The following STARD8 variants were observed in gnomAD, a reference collection of about 807,000 sequenced individuals.
STARD8 encodes the protein StAR related lipid transfer domain containing 8.
Under a neutral mutation model 69.4 loss-of-function variants are expected in STARD8, and 25 were observed. That is an observed-to-expected ratio of 0.36 (90% CI 0.26 to 0.50). The LOEUF (loss-of-function observed/expected upper bound fraction) is 0.50. Ranked by LOEUF, STARD8 falls within the 20% of genes least tolerant of loss-of-function variation. The pLI, the probability that STARD8 is intolerant of heterozygous loss-of-function variation, is 0.96. For missense variants in STARD8, 921 were observed against 932.5 expected, an observed-to-expected ratio of 0.99 and a Z score of 0.16; for synonymous variants, 389 against 374.6, an observed-to-expected ratio of 1.04 and a Z score of -0.45.
chrX:68,697,600 C>CA (rs1176492187), intron 2 of STARD8, among the ~76,000 whole-genome samples: 1 of 112,701 alleles, frequency 8.9e-6, no homozygotes, highest in Non-Finnish European at 1.9e-5. Context: ...GAGGCCAGTT[C>CA]AGAGCAAAAC....
chrX:68,715,561 T>C (rs1390058583), intron 4 of STARD8, among the ~76,000 whole-genome samples, 186 bp downstream of exon 4: 1 of 112,809 alleles, frequency 8.9e-6, no homozygotes, highest in Non-Finnish European at 1.9e-5. Flanking sequence ...CCAGTCACTC[T>C]AGCTAGAAAG....
intron 8 of STARD8, 30 bp from the exon 9 acceptor site, chrX:68,720,894 C>T: frequency 8.4e-7 from 1 of 1,189,941 alleles, no homozygotes. Context: ...GCATGTTTTC[C>T]TCACTCCCTC....
At chrX:68,658,275 C>T (rs2079623083) in intron 1 of STARD8, among the ~76,000 whole-genome samples, 1 of 112,270 alleles carries the variant, frequency 8.9e-6, no homozygotes, top group African/African-American at 3.2e-5. Flanking sequence ...TCATCATCCT[C>T]ATTTTACTGA....
intron 2 of STARD8, among the ~76,000 whole-genome samples, chrX:68,696,233 A>G (rs1330186010): frequency 1.8e-5 from 2 of 112,246 alleles, no homozygotes; most frequent in Non-Finnish European, 3.8e-5. Flanking sequence ...CCGGAGATCT[A>G]GGTGAGTTTT....
At chrX:68,722,896 C>A (rs1255805032) in intron 12 of STARD8, among the ~76,000 whole-genome samples, 1 of 112,922 alleles carries the variant, frequency 8.9e-6, no homozygotes, top group Non-Finnish European at 1.9e-5. Context: ...GTTCCAGATA[C>A]GATGCTGCTT....
chrX:68,720,500 G>A (rs2080138895), intron 8 of STARD8, 77 bp downstream of exon 8: 4 of 1,052,867 alleles, frequency 3.8e-6, no homozygotes, highest in South Asian at 2.5e-5. Context: ...GAAGGCTGAG[G>A]AGCTGGGGAG....
rs2079924424 is a variant in STARD8, at chrX:68,696,945, A to G, written c.80-15969A>G. 2.7e-5 allele frequency among the ~76,000 whole-genome samples: 3 copies of G among 111,166 alleles called. No individual in the cohort carries two copies. In the Admixed American group the frequency reaches 2.9e-4, roughly 11 times the overall value. ...AAAATTATTGTGAATAATTTCAAAC[A>G]TATATAAAAATAGAGATAATTAGTG... On this transcript the variant is annotated intron_variant, in intron 2 of 14. Coordinates refer to ENST00000374599, the MANE Select transcript of STARD8 (RefSeq NM_001142503.3).
At chrX:68,654,691 T>G (rs1328716912) in intron 1 of STARD8, among the ~76,000 whole-genome samples, 1 of 111,553 alleles carries the variant, frequency 9.0e-6, no homozygotes, top group African/African-American at 3.3e-5. Flanking sequence ...CCTGTTCATA[T>G]GGGTGTGAGG....
chrX:68,715,412 G>T (rs753587742), intron 4 of STARD8, 37 bp downstream of exon 4: 1 of 1,136,988 alleles, frequency 8.8e-7, no homozygotes, highest in Admixed American at 2.6e-5. Flanking sequence ...GAAGCCAAAG[G>T]CCTGGCTTGA....
chrX:68,707,705 T>G (rs2080019104), intron 2 of STARD8, among the ~76,000 whole-genome samples: 1 of 111,724 alleles, frequency 9.0e-6, no homozygotes, highest in Admixed American at 9.5e-5. Context: ...TCTATGTCCC[T>G]GTGACATCCA....
chrX:68,692,237 G>A (rs898119350), intron 2 of STARD8, among the ~76,000 whole-genome samples: 11 of 111,906 alleles, frequency 9.8e-5, no homozygotes, highest in African/African-American at 3.3e-4. Context: ...GGGACTTGGC[G>A]CACCTTGAAC....
intron 4 of STARD8, among the ~76,000 whole-genome samples, 178 bp downstream of exon 4, chrX:68,715,553 A>G (rs1459055313): frequency 8.9e-6 from 1 of 112,646 alleles, no homozygotes. Flanking sequence ...TCAACCACCC[A>G]GTCACTCTAG....
rs191944662 is a variant in STARD8 at position 68,678,657 on chromosome X, G to A, written c.79+13125G>A. ...GTAGAGTTGGCACACCAACACAAGG[G>A]CACTGTGCAGCCTGGCCTGGCTGCC... On this transcript the variant is annotated intron_variant, in intron 2 of 14. Transcript: ENST00000374599. Among the ~76,000 whole-genome samples, 827 of 111,821 alleles carry A rather than the reference G, an allele frequency of 7.4e-3. 5 individuals carry two copies. The highest frequency in any genetic ancestry group is 0.012 in the Non-Finnish European group (652 of 53,117).
rs369173664 is a variant in STARD8 at position 68,719,539 on chromosome X, G to A, written c.1889+141G>A. On this transcript the variant is annotated intron_variant, in intron 7 of 14. Transcript: ENST00000374599. Reference sequence around the variant, plus strand: ...GGTGAGATATGCCAGGAGGCTGGAGGGGCTTGGTGAGGCTGGGTATGGGGC... The same window carrying A: ...GGTGAGATATGCCAGGAGGCTGGAGAGGCTTGGTGAGGCTGGGTATGGGGC... 5.7e-6 allele frequency: 4 copies of A among 699,642 alleles called. No homozygotes were observed. In the South Asian group the frequency reaches 1.5e-4, roughly 26 times the overall value. 57.7% of individuals were successfully genotyped at this position (699,642 alleles called of 1,213,427 possible). A position where few individuals can be genotyped will look rare whatever the true frequency, so the allele number is the denominator to read the frequency against.
chrX:68,663,928 ATC>A (rs2079666397), intron 1 of STARD8, among the ~76,000 whole-genome samples: 1 of 111,840 alleles, frequency 8.9e-6, no homozygotes, highest in Non-Finnish European at 1.9e-5. Flanking sequence ...TCGGGAGGAC[ATC>A]CCCCATCCCT....
At chrX:68,660,500 G>C (rs2079637934) in intron 1 of STARD8, among the ~76,000 whole-genome samples, 1 of 111,657 alleles carries the variant, frequency 9.0e-6, no homozygotes, top group South Asian at 3.8e-4. Context: ...TTGACATGGG[G>C]TTTAAAAGTG....
At chrX:68,705,831 G>A (rs2080002445) in intron 2 of STARD8, among the ~76,000 whole-genome samples, 1 of 112,961 alleles carries the variant, frequency 8.9e-6, no homozygotes, top group African/African-American at 3.2e-5. Context: ...TCCAGACATT[G>A]CCAAATGTCC....
intron 2 of STARD8, among the ~76,000 whole-genome samples, chrX:68,667,594 T>C (rs1013830954): frequency 9.0e-6 from 1 of 111,197 alleles, no homozygotes; most frequent in African/African-American, 3.3e-5. Context: ...CACCCAGCAG[T>C]CCTCTTAGAG....
At position 68,717,355 on chromosome X, in the gene STARD8, G is replaced by C. The variant is rs140785543; in HGVS notation, c.441G>C (p.Glu147Asp). ...GCCTGCCAGCGACCTCAAGCTGTGA[G>C]AGCGTCCTCACCGAGCTTAGTGCCA... ...SPGLPATSSC[E>D]SVLTELSATS... The change falls in exon 6 of 15, where the codon GAG becomes GAC. Residue 147 changes from glutamate (E) to aspartate (D), a missense_variant. Transcript: ENST00000374599. 5.4e-4 allele frequency: 656 copies of C among 1,205,455 alleles called. 3 individuals carry two copies. In the African/African-American group the frequency reaches 0.011, roughly 19 times the overall value.
Sources: gnomAD v4.1 joint callset for allele counts (sites outside exome capture counted in the v4.1 genomes callset) on GRCh38, gnomAD v4.1.1 for gene constraint, MANE v1.5 for transcripts, NCBI Gene and HGNC (gene_info 2026-07-23, HGNC 2026-07-21) for gene names.